CTNNA2: variants seen among roughly 807,000 people sequenced by gnomAD.
CTNNA2 encodes the protein catenin alpha-2.
A neutral mutation model predicts 101.0 loss-of-function variants in CTNNA2; 42 were observed. The ratio of observed to expected loss-of-function variants is 0.42; its 90% CI spans 0.32 to 0.54. The LOEUF (loss-of-function observed/expected upper bound fraction) is 0.54. CTNNA2 is among the 20% of genes least tolerant of loss of function. The pLI, the probability that CTNNA2 is intolerant of heterozygous loss-of-function variation, is 0.14. For missense variants in CTNNA2, 871 were observed against 1,223.1 expected (o/e 0.71, Z 4.29); for synonymous variants, 450 against 456.4 (o/e 0.99, Z 0.18).
chr2:80,257,548 G>A (rs1005036571), intron 7 of CTNNA2, among the ~76,000 whole-genome samples: 3 of 152,190 alleles, frequency 2.0e-5, no homozygotes, highest in East Asian at 1.9e-4. Flanking sequence ...TGTGGCCTGG[G>A]TGTAGCCACC....
intron 7 of CTNNA2, among the ~76,000 whole-genome samples, chr2:79,934,421 A>G (rs1037859880): frequency 2.0e-5 from 3 of 152,240 alleles, no homozygotes; most frequent in Admixed American, 1.3e-4. Flanking sequence ...ACTCTACAAA[A>G]TTGTTGAGTG....
chr2:79,333,360 C>T (rs6707138), intron 3 of CTNNA2, among the ~76,000 whole-genome samples: 54,433 of 151,866 alleles, frequency 0.36, 10,168 homozygotes, highest in African/African-American at 0.46. Context: ...GGTCCCAGTA[C>T]AGTTTTAAAA....
Position 79,845,083 on chromosome 2 carries a change from A to G in CTNNA2, c.299-12930A>G, listed in dbSNP as rs185471001. ...TGTGTGTGTGTATATATATATGTGT[A>G]TATATATATATATGCACCCTTACCT... On this transcript the variant is annotated intron_variant, in intron 3 of 18. Coordinates refer to ENST00000402739, the MANE Select transcript of CTNNA2 (RefSeq NM_001282597.3). Among the ~76,000 whole-genome samples, 37 of 146,438 alleles carry G rather than the reference A, an allele frequency of 2.5e-4. 1 individual carries two copies. Among genetic ancestry groups the G allele is most frequent in the Admixed American group, 1.8e-3 (25 of 14,120 alleles).
rs182116052 is a variant in CTNNA2, at chr2:79,557,228, C to T, written c.-6+44021C>T. 6.2e-4 allele frequency among the ~76,000 whole-genome samples: 95 copies of T among 152,112 alleles called. 1 individual carries two copies. The highest frequency in any genetic ancestry group is 1.2e-4 in the Non-Finnish European group (8 of 67,912). On this transcript the variant is annotated intron_variant, in intron 1 of 18. Transcript: ENST00000402739. ...AGAGTTATCTTTATTTCATAACCTA[C>T]AACTTTTGCCCGTTAGGAGAGTTCA...
At chr2:80,593,158 C>A (rs1238402430) in intron 15 of CTNNA2, among the ~76,000 whole-genome samples, 1 of 152,016 alleles carries the variant, frequency 6.6e-6, no homozygotes, top group East Asian at 1.9e-4. Flanking sequence ...TTACCCATAG[C>A]ATCTTTTACA....
intron 1 of CTNNA2, among the ~76,000 whole-genome samples, chr2:79,516,717 G>A (rs529338881): frequency 1.3e-5 from 2 of 151,996 alleles, no homozygotes; most frequent in Non-Finnish European, 2.9e-5. Context: ...ATCCATGATC[G>A]GTGTCATAGT....
intron 1 of CTNNA2, among the ~76,000 whole-genome samples, chr2:79,618,637 A>G (rs1678797476): frequency 6.6e-6 from 1 of 152,002 alleles, no homozygotes; most frequent in Non-Finnish European, 1.5e-5. Context: ...TCCAAGTCCC[A>G]TTCTGTAACT....
chr2:80,077,478 G>C (rs1027965345), intron 7 of CTNNA2, among the ~76,000 whole-genome samples: 1 of 151,806 alleles, frequency 6.6e-6, no homozygotes, highest in Non-Finnish European at 1.5e-5. Context: ...GTTAGGCGTG[G>C]TGTCCCACAC....
At chr2:80,166,009 C>T (rs1172170407) in intron 7 of CTNNA2, among the ~76,000 whole-genome samples, 4 of 152,134 alleles carry the variant, frequency 2.6e-5, no homozygotes, top group Non-Finnish European at 4.4e-5. Context: ...TCTACATTAA[C>T]AGGCTTTCCC....
intron 7 of CTNNA2, among the ~76,000 whole-genome samples, chr2:80,264,030 C>A (rs151336813): frequency 7.4e-4 from 112 of 152,280 alleles, no homozygotes; most frequent in African/African-American, 2.4e-3. Context: ...TTAATACACA[C>A]GTCCCTTAAT....
intron 7 of CTNNA2, among the ~76,000 whole-genome samples, chr2:79,982,442 AACAGAATCTGCTTATT>A (rs899022511): frequency 6.8e-6 from 1 of 147,890 alleles, no homozygotes; most frequent in African/African-American, 2.5e-5. Flanking sequence ...ACATATATAT[AACAGAATCTGCTTATT>A]ACAGACTCCT....
At chr2:79,553,122 T>G (rs1461313705) in intron 1 of CTNNA2, among the ~76,000 whole-genome samples, 9 of 152,226 alleles carry the variant, frequency 5.9e-5, no homozygotes, top group Admixed American at 5.9e-4. Context: ...TTTTTTGCCC[T>G]TGAATATAAG....
chr2:79,882,659 G>A (rs538280807), intron 6 of CTNNA2, among the ~76,000 whole-genome samples: 55 of 152,326 alleles, frequency 3.6e-4, no homozygotes, highest in African/African-American at 5.8e-4. Context: ...ACCTCCCAGG[G>A]CTGGCTGCTG....
chr2:79,943,687 G>T (rs914707047), intron 7 of CTNNA2, among the ~76,000 whole-genome samples: 1 of 152,178 alleles, frequency 6.6e-6, no homozygotes, highest in African/African-American at 2.4e-5. Context: ...ATATAGAGAG[G>T]TGTAGTATTT....
intron 3 of CTNNA2, among the ~76,000 whole-genome samples, chr2:79,322,211 A>G (rs550232880): frequency 1.3e-5 from 2 of 152,348 alleles, no homozygotes; most frequent in South Asian, 4.1e-4. Context: ...TGTCATCAAC[A>G]AGGGCTGGAA....
intron 7 of CTNNA2, among the ~76,000 whole-genome samples, chr2:80,168,712 A>G (rs1704853850): frequency 6.6e-6 from 1 of 152,198 alleles, no homozygotes; most frequent in African/African-American, 2.4e-5. Context: ...TTGATACCCA[A>G]GGTGCTTTCC....
intron 1 of CTNNA2, among the ~76,000 whole-genome samples, chr2:79,519,950 G>A (rs1672015512): frequency 6.6e-6 from 1 of 152,206 alleles, no homozygotes; most frequent in South Asian, 2.1e-4. Context: ...CATTTAGAAT[G>A]AAGTAATGTT....
intron 7 of CTNNA2, among the ~76,000 whole-genome samples, chr2:79,910,333 G>T (rs1412515635): frequency 6.6e-6 from 1 of 152,174 alleles, no homozygotes; most frequent in East Asian, 1.9e-4. Flanking sequence ...TTATAAGAGT[G>T]AGTCTCTTAA....
chr2:79,350,271 C>A (rs912777203), intron 3 of CTNNA2, among the ~76,000 whole-genome samples: 7 of 151,970 alleles, frequency 4.6e-5, no homozygotes, highest in African/African-American at 9.7e-5. Context: ...ATTCTTCAAC[C>A]CTTACCCCTC....
Sources: gnomAD v4.1 joint callset for allele counts (sites outside exome capture counted in the v4.1 genomes callset) on GRCh38, gnomAD v4.1.1 for gene constraint, MANE v1.5 for transcripts, NCBI Gene and HGNC (gene_info 2026-07-23, HGNC 2026-07-21) for gene names.